The following RANBP2 variants were observed in gnomAD, a reference collection of about 807,000 sequenced individuals.
RANBP2 encodes E3 SUMO-protein ligase RanBP2.
A neutral mutation model predicts 303.6 loss-of-function variants in RANBP2; 57 were observed. The ratio of observed to expected loss-of-function variants is 0.19; its 90% confidence interval spans 0.15 to 0.23. The LOEUF (loss-of-function observed/expected upper bound fraction) is 0.23, where lower values mean the gene tolerates loss of function less well. RANBP2 is among the 10% of genes least tolerant of loss of function. RANBP2 has a pLI of 1.00. For synonymous variants in RANBP2, 1,167 were observed against 1,301.5 expected, an observed-to-expected ratio of 0.90 and a Z score of 2.23; for missense variants, 3,138 against 3,780.8, an observed-to-expected ratio of 0.83 and a Z score of 4.46.
the RANBP2 span, among the ~76,000 whole-genome samples, chr2:109,114,210 G>C: frequency 6.6e-6 from 1 of 152,176 alleles, no homozygotes; most frequent in Non-Finnish European, 1.5e-5. Flanking sequence ...AGAAGGAATG[G>C]TACCAGTTCC....
chr2:109,501,385 T>C, the RANBP2 span: 1 of 557,706 alleles, frequency 1.8e-6, no homozygotes, highest in Non-Finnish European at 3.3e-6. Flanking sequence ...ATAGAAATTG[T>C]ATAAAGTGGG....
chr2:109,514,559 G>A, the RANBP2 span, among the ~76,000 whole-genome samples: 1 of 152,192 alleles, frequency 6.6e-6, no homozygotes, highest in Non-Finnish European at 1.5e-5. Context: ...GGAAGCCCTG[G>A]TGTGGGACCA....
chr2:108,929,400 G>C, the RANBP2 span: 1 of 1,613,664 alleles, frequency 6.2e-7, no homozygotes, highest in Non-Finnish European at 8.5e-7. Flanking sequence ...AAAGAGGACA[G>C]GGGACACAGG....
the RANBP2 span, among the ~76,000 whole-genome samples, chr2:109,349,300 T>C: frequency 6.6e-6 from 1 of 152,228 alleles, no homozygotes; most frequent in African/African-American, 2.4e-5. Flanking sequence ...CTATTTTTCA[T>C]TCAGGGATTC....
At chr2:109,677,638 T>A in the RANBP2 span, among the ~76,000 whole-genome samples, 2 of 152,212 alleles carry the variant, frequency 1.3e-5, no homozygotes, top group Admixed American at 6.5e-5. Flanking sequence ...CTGGGCCACC[T>A]GTGCACGTCC....
chr2:109,012,351 C>G, the RANBP2 span, among the ~76,000 whole-genome samples: 3 of 152,194 alleles, frequency 2.0e-5, no homozygotes, highest in Non-Finnish European at 2.9e-5. Flanking sequence ...CCTACCGCCC[C>G]TGATTCCCAG....
the RANBP2 span, among the ~76,000 whole-genome samples, chr2:109,451,223 T>C: frequency 6.6e-6 from 1 of 152,246 alleles, no homozygotes. Flanking sequence ...ACAGCTGCTC[T>C]GTGTTTTGTG....
the RANBP2 span, chr2:109,615,937 A>G: frequency 6.2e-6 from 10 of 1,603,148 alleles, no homozygotes; most frequent in Non-Finnish European, 8.5e-6. Flanking sequence ...CAGATCGTCC[A>G]CACCACACCC....
chr2:109,117,576 C>T, the RANBP2 span, among the ~76,000 whole-genome samples: 38 of 152,230 alleles, frequency 2.5e-4, no homozygotes, highest in African/African-American at 8.9e-4. Context: ...TCCTTGACCC[C>T]TTGCGCTTCC....
chr2:109,402,111 C>T, the RANBP2 span, among the ~76,000 whole-genome samples: 2 of 152,228 alleles, frequency 1.3e-5, no homozygotes, highest in Non-Finnish European at 2.9e-5. Context: ...GTGTATGCTG[C>T]CCCTGCGGGC....
chr2:109,715,316 C>T, the RANBP2 span, among the ~76,000 whole-genome samples: 1 of 152,078 alleles, frequency 6.6e-6, no homozygotes, highest in Admixed American at 6.6e-5. Context: ...TCATGTTGCC[C>T]AGGCTGGTCT....
chr2:109,477,790 A>G, the RANBP2 span, among the ~76,000 whole-genome samples: 27 of 152,282 alleles, frequency 1.8e-4, no homozygotes, highest in Middle Eastern at 3.4e-3. Context: ...CACGTGGTCA[A>G]TAGGGCAAGG....
intron 25 of RANBP2, 90 bp from the exon 26 acceptor site, chr2:108,781,173 ACATCAT>A: frequency 8.3e-7 from 1 of 1,199,758 alleles, no homozygotes; most frequent in Non-Finnish European, 1.2e-6. Flanking sequence ...TGTACATATT[ACATCAT>A]CAGGAATTAG....
the RANBP2 span, among the ~76,000 whole-genome samples, chr2:109,413,494 C>T: frequency 7.2e-5 from 11 of 152,164 alleles, no homozygotes; most frequent in Admixed American, 5.9e-4. Flanking sequence ...CTCTGTCTGT[C>T]TGTCTCTTTC....
the RANBP2 span, among the ~76,000 whole-genome samples, chr2:109,640,289 T>G: frequency 6.6e-6 from 1 of 151,858 alleles, no homozygotes; most frequent in Non-Finnish European, 1.5e-5. Context: ...CCGTCTCTAC[T>G]AAAAATACAA....
the RANBP2 span, among the ~76,000 whole-genome samples, chr2:109,535,590 C>T: frequency 6.6e-6 from 1 of 152,180 alleles, no homozygotes; most frequent in Non-Finnish European, 1.5e-5. Context: ...GTGATGCTAC[C>T]TGTAGGGGCT....
the RANBP2 span, among the ~76,000 whole-genome samples, chr2:109,070,366 A>G: frequency 2.6e-5 from 4 of 152,308 alleles, no homozygotes; most frequent in East Asian, 7.7e-4. Context: ...GCTTTGAGAG[A>G]ATGGATTATA....
intron 23 of RANBP2, among the ~76,000 whole-genome samples, chr2:108,774,440 C>G (rs1457315805): frequency 6.6e-6 from 1 of 152,048 alleles, no homozygotes; most frequent in African/African-American, 2.4e-5. Flanking sequence ...CCACTGCTCT[C>G]CAGCCTGGAC....
the RANBP2 span, among the ~76,000 whole-genome samples, chr2:109,501,229 G>GGA: frequency 6.6e-6 from 1 of 152,158 alleles, no homozygotes; most frequent in Non-Finnish European, 1.5e-5. Flanking sequence ...GCTGTGCTTG[G>GGA]GTGGAGAATC....
Sources: allele counts gnomAD v4.1 joint callset (sites outside exome capture counted in the v4.1 genomes callset), GRCh38; gene constraint gnomAD v4.1.1; transcripts MANE v1.5; gene names NCBI Gene and HGNC (gene_info 2026-07-23, HGNC 2026-07-21).